Variants in CLSTN2 observed in about 807,000 individuals in gnomAD.
CLSTN2 encodes calsyntenin 2.
A neutral mutation model predicts 101.2 loss-of-function variants in CLSTN2; 48 were observed. The observed-to-expected ratio is 0.47, with a 90% CI of 0.38 to 0.60. The LOEUF is 0.60. CLSTN2 is among the 20% of genes least tolerant of loss of function. The pLI is 0.00. For missense variants in CLSTN2, 1,160 were observed against 1,238.2 expected (o/e 0.94, Z 0.95); for synonymous variants, 481 against 463.6 (o/e 1.04, Z -0.48).
chr3:140,237,333 A>C (rs1374650464), intron 2 of CLSTN2, among the ~76,000 whole-genome samples: 1 of 152,178 alleles, frequency 6.6e-6, no homozygotes, highest in Non-Finnish European at 1.5e-5. Flanking sequence ...TGGGAAGACA[A>C]ACTATCTGTA....
chr3:140,404,458 C>A, intron 3 of CLSTN2, 100 bp from the exon 4 acceptor site: 1 of 1,016,942 alleles, frequency 9.8e-7, no homozygotes, highest in African/African-American at 1.6e-5. Flanking sequence ...TTTCTCCTTT[C>A]ACTTGGCCTT....
chr3:140,071,755 C>T (rs556014375), intron 1 of CLSTN2, among the ~76,000 whole-genome samples: 2 of 152,080 alleles, frequency 1.3e-5, no homozygotes, highest in East Asian at 1.9e-4. Flanking sequence ...GGCATGAACT[C>T]GGGAGGCGGA....
chr3:140,335,002 A>G (rs564868459), intron 2 of CLSTN2, among the ~76,000 whole-genome samples: 21 of 152,352 alleles, frequency 1.4e-4, no homozygotes, highest in African/African-American at 4.6e-4. Flanking sequence ...CCAGGAGGGT[A>G]TAAATCTCCA....
chr3:140,197,821 T>A (rs1406227112), intron 2 of CLSTN2, among the ~76,000 whole-genome samples: 2 of 152,176 alleles, frequency 1.3e-5, no homozygotes, highest in Non-Finnish European at 1.5e-5. Flanking sequence ...GCAGAAGACC[T>A]CAGTTTTAGT....
chr3:140,165,518 C>T (rs553541325), intron 1 of CLSTN2, among the ~76,000 whole-genome samples: 1 of 152,244 alleles, frequency 6.6e-6, no homozygotes, highest in South Asian at 2.1e-4. Context: ...TGAGAGCAGA[C>T]AGTACAGGGT....
At chr3:140,297,869 TG>T (rs2087019102) in intron 2 of CLSTN2, among the ~76,000 whole-genome samples, 1 of 152,228 alleles carries the variant, frequency 6.6e-6, no homozygotes, top group African/African-American at 2.4e-5. Flanking sequence ...CAGCTTACCA[TG>T]GGGTTTCATC....
intron 1 of CLSTN2, among the ~76,000 whole-genome samples, chr3:140,106,880 G>A (rs1160249459): frequency 6.6e-6 from 1 of 152,030 alleles, no homozygotes; most frequent in Admixed American, 6.6e-5. Flanking sequence ...TGTTATTTTG[G>A]CTAAGTCAAG....
chr3:140,227,576 G>A (rs572486723), intron 2 of CLSTN2, among the ~76,000 whole-genome samples: 3 of 152,210 alleles, frequency 2.0e-5, no homozygotes, highest in South Asian at 4.1e-4. Flanking sequence ...AGCTCCACTA[G>A]GGAGTGCCCC....
chr3:140,001,401 A>G (rs2006834933), intron 1 of CLSTN2, among the ~76,000 whole-genome samples: 2 of 152,018 alleles, frequency 1.3e-5, no homozygotes, highest in South Asian at 4.1e-4. Flanking sequence ...AATGCCTTTT[A>G]AAACTTTTTT....
At chr3:140,121,943 A>G (rs1435212738) in intron 1 of CLSTN2, among the ~76,000 whole-genome samples, 1 of 152,210 alleles carries the variant, frequency 6.6e-6, no homozygotes, top group Non-Finnish European at 1.5e-5. Flanking sequence ...ACCAATTCTC[A>G]TTAAGTCTGA....
intron 2 of CLSTN2, among the ~76,000 whole-genome samples, chr3:140,353,568 C>T (rs1206557668): frequency 6.6e-6 from 1 of 152,128 alleles, no homozygotes. Flanking sequence ...TGACAACACC[C>T]TCACAGACAT....
intron 1 of CLSTN2, among the ~76,000 whole-genome samples, chr3:140,085,856 T>C (rs1188751783): frequency 6.6e-6 from 1 of 152,202 alleles, no homozygotes; most frequent in Non-Finnish European, 1.5e-5. Context: ...GACATAGTTG[T>C]GTATTCACCG....
chr3:140,050,361 T>C (rs1389010830), intron 1 of CLSTN2, among the ~76,000 whole-genome samples: 12 of 152,170 alleles, frequency 7.9e-5, no homozygotes, highest in Non-Finnish European at 1.6e-4. Context: ...TCACTACTAT[T>C]TGACCTACAC....
At chr3:140,507,736 CGTGA>C (rs1049589090) in intron 8 of CLSTN2, 1 of 152,066 alleles carries the variant, frequency 6.6e-6, no homozygotes, top group African/African-American at 2.4e-5. Flanking sequence ...CATTTATTTA[CGTGA>C]GTGTTTAATT....
chr3:140,013,763 C>G (rs970076440), intron 1 of CLSTN2, among the ~76,000 whole-genome samples: 4 of 152,008 alleles, frequency 2.6e-5, no homozygotes, highest in African/African-American at 9.7e-5. Flanking sequence ...TAGAAATGTA[C>G]TAGTTGAATA....
chr3:140,058,387 T>G (rs1394262977), intron 1 of CLSTN2, among the ~76,000 whole-genome samples: 1 of 152,116 alleles, frequency 6.6e-6, no homozygotes, highest in Admixed American at 6.5e-5. Flanking sequence ...GGAGGAAGCA[T>G]CATGGATGGA....
At chr3:140,000,323 C>A (rs573025411) in intron 1 of CLSTN2, among the ~76,000 whole-genome samples, 48 of 152,254 alleles carry the variant, frequency 3.2e-4, no homozygotes, top group African/African-American at 1.2e-3. Context: ...TTAGTTAGCA[C>A]TTATTAATAT....
intron 4 of CLSTN2, among the ~76,000 whole-genome samples, chr3:140,413,274 A>G (rs1250389244): frequency 6.6e-6 from 1 of 152,214 alleles, no homozygotes; most frequent in Non-Finnish European, 1.5e-5. Flanking sequence ...ACACTTTTAT[A>G]CCAACAAATT....
At chr3:140,273,445 A>G (rs2086763251) in intron 2 of CLSTN2, among the ~76,000 whole-genome samples, 1 of 152,222 alleles carries the variant, frequency 6.6e-6, no homozygotes, top group Non-Finnish European at 1.5e-5. Context: ...GCTTCTCACA[A>G]CAATGTTAGA....
Sources: gnomAD v4.1 joint callset for allele counts (sites outside exome capture counted in the v4.1 genomes callset) on GRCh38, gnomAD v4.1.1 for gene constraint, MANE v1.5 for transcripts, NCBI Gene and HGNC (gene_info 2026-07-23, HGNC 2026-07-21) for gene names.